Variants in MLLT3 observed in about 807,000 individuals in gnomAD.
The protein encoded by MLLT3 is MLLT3 super elongation complex subunit.
Under a neutral mutation model 53.2 loss-of-function variants are expected in MLLT3, and 4 were observed. That is an observed-to-expected ratio of 0.08 (90% CI 0.04 to 0.17). MLLT3 has a LOEUF of 0.17. Among genes scored for constraint, MLLT3 ranks in the 10% least tolerant of loss-of-function variants. The probability of loss-of-function intolerance (pLI) is 1.00; values close to 1 mark genes in which losing one functional copy is unlikely to be tolerated. For missense variants in MLLT3, 569 were observed against 684.0 expected, an observed-to-expected ratio of 0.83 and a Z score of 1.87; for synonymous variants, 283 against 230.6, an observed-to-expected ratio of 1.23 and a Z score of -2.06.
At chr9:20,432,716 CT>C (rs1823305518) in intron 4 of MLLT3, among the ~76,000 whole-genome samples, 2 of 152,080 alleles carry the variant, frequency 1.3e-5, no homozygotes, top group Non-Finnish European at 2.9e-5. Context: ...AAATCAAAAT[CT>C]TTTTGTTCAT....
chr9:20,418,363 G>A (rs916354936), intron 4 of MLLT3: 1 of 152,222 alleles, frequency 6.6e-6, no homozygotes, highest in African/African-American at 2.4e-5. Context: ...AGGTTTATGC[G>A]AGGCACAATT....
chr9:20,622,037 G>T, intron 1 of MLLT3: 2 of 680,350 alleles, frequency 2.9e-6, no homozygotes, highest in Non-Finnish European at 3.6e-6. Flanking sequence ...GTGTGAGTGT[G>T]TGTGTGTCTG....
At chr9:20,378,504 G>C (rs1445782489) in intron 5 of MLLT3, among the ~76,000 whole-genome samples, 3 of 151,884 alleles carry the variant, frequency 2.0e-5, no homozygotes, top group Admixed American at 6.5e-5. Context: ...TTGAAGAAGA[G>C]GTAACACAAA....
chr9:20,525,477 C>T (rs1818177843), intron 2 of MLLT3, among the ~76,000 whole-genome samples: 1 of 152,152 alleles, frequency 6.6e-6, no homozygotes, highest in Non-Finnish European at 1.5e-5. Flanking sequence ...GCCTGGGCAA[C>T]AGTAAGACTC....
At chr9:20,440,928 T>G (rs144087166) in intron 4 of MLLT3, among the ~76,000 whole-genome samples, 126 of 152,226 alleles carry the variant, frequency 8.3e-4, no homozygotes, top group African/African-American at 2.8e-3. Context: ...TAAATTACGG[T>G]TACTATATTA....
intron 10 of MLLT3, among the ~76,000 whole-genome samples, chr9:20,348,183 A>G (rs1435167480): frequency 6.6e-6 from 1 of 152,220 alleles, no homozygotes; most frequent in Non-Finnish European, 1.5e-5. Context: ...AGTGGATGCA[A>G]CAACAGATGC....
chr9:20,347,406 C>T (rs2118584508), intron 10 of MLLT3, among the ~76,000 whole-genome samples: 1 of 152,266 alleles, frequency 6.6e-6, no homozygotes, highest in South Asian at 2.1e-4. Flanking sequence ...ATGCCTTTGT[C>T]TTGTCATTTG....
intron 4 of MLLT3, among the ~76,000 whole-genome samples, chr9:20,439,243 C>T (rs541936867): frequency 6.6e-6 from 1 of 152,176 alleles, no homozygotes; most frequent in South Asian, 2.1e-4. Context: ...GTAGTCCCAG[C>T]TACTCAGGAG....
intron 2 of MLLT3, among the ~76,000 whole-genome samples, chr9:20,576,558 G>C (rs1319436324): frequency 6.6e-6 from 1 of 152,068 alleles, no homozygotes; most frequent in South Asian, 2.1e-4. Flanking sequence ...AAGGAGAGGA[G>C]GAGAGATGAG....
intron 5 of MLLT3, among the ~76,000 whole-genome samples, chr9:20,386,293 G>A (rs1822034301): frequency 2.0e-5 from 3 of 152,164 alleles, no homozygotes. Context: ...AATGTTTCAA[G>A]GAGAGTTTCC....
Position 20,599,175 on chromosome 9 carries a change from G to A in MLLT3, c.193+21479C>T, listed in dbSNP as rs570766489. ...AAAAATTAGCTGGGCATGGTGGCAC[G>A]CGCCTGCAGTCCCAGCTACTCAGGA... On this transcript the variant is annotated intron_variant, in intron 2 of 10. Coordinates refer to ENST00000380338, the MANE Select transcript of MLLT3 (RefSeq NM_004529.4). Among the ~76,000 whole-genome samples the A allele has an allele frequency of 2.4e-4, 37 of 152,076 alleles. 1 individual carries two copies. Among genetic ancestry groups the A allele is most frequent in the Admixed American group, 4.6e-4 (7 of 15,282 alleles).
At chr9:20,616,494 A>G (rs910769052) in intron 2 of MLLT3, among the ~76,000 whole-genome samples, 2 of 152,184 alleles carry the variant, frequency 1.3e-5, no homozygotes, top group African/African-American at 4.8e-5. Flanking sequence ...ACTTTAAAAA[A>G]AAATCAAACA....
At chr9:20,567,328 A>C (rs908915304) in intron 2 of MLLT3, among the ~76,000 whole-genome samples, 21 of 134,582 alleles carry the variant, frequency 1.6e-4, no homozygotes, top group East Asian at 8.0e-4. Flanking sequence ...AAAAAAAAAA[A>C]CACAAACGAT....
At chr9:20,454,353 GAA>G (rs1823910042) in intron 3 of MLLT3, among the ~76,000 whole-genome samples, 2 of 152,100 alleles carry the variant, frequency 1.3e-5, no homozygotes, top group African/African-American at 4.8e-5. Context: ...GGCATATGGG[GAA>G]ATTCCAGTTA....
At chr9:20,415,747 A>G (rs1385628509) in intron 4 of MLLT3, among the ~76,000 whole-genome samples, 1 of 152,058 alleles carries the variant, frequency 6.6e-6, no homozygotes, top group Non-Finnish European at 1.5e-5. Flanking sequence ...TGAACAATCT[A>G]CTTATTGGGT....
Position 20,534,165 on chromosome 9 carries a change from G to A in MLLT3, c.194-77379C>T, listed in dbSNP as rs147866707. Among the ~76,000 whole-genome samples the A allele has an allele frequency of 2.6e-4, 40 of 152,160 alleles. No homozygotes were observed. The East Asian group carries it at 5.6e-3, about 21-fold the overall frequency. Reference sequence around the variant, plus strand: ...TTATTATACAAAATAGGGATATTTCGAAAGAGAAATGTTTAGCAAATTTAT... The same window carrying A: ...TTATTATACAAAATAGGGATATTTCAAAAGAGAAATGTTTAGCAAATTTAT... On this transcript the variant is annotated intron_variant, in intron 2 of 10. Transcript: ENST00000380338.
intron 2 of MLLT3, among the ~76,000 whole-genome samples, chr9:20,488,372 T>C (rs966327478): frequency 1.3e-5 from 2 of 152,104 alleles, no homozygotes; most frequent in Non-Finnish European, 2.9e-5. Context: ...TAATGTTATA[T>C]ATTTTTACCA....
chr9:20,604,164 C>G (rs1820507266), intron 2 of MLLT3, among the ~76,000 whole-genome samples: 1 of 151,904 alleles, frequency 6.6e-6, no homozygotes, highest in Non-Finnish European at 1.5e-5. Context: ...ATAACGCAAA[C>G]ACATTATACA....
intron 2 of MLLT3, among the ~76,000 whole-genome samples, chr9:20,468,907 C>A (rs1466805673): frequency 6.6e-6 from 1 of 152,070 alleles, no homozygotes; most frequent in Non-Finnish European, 1.5e-5. Context: ...AACAAGCAAA[C>A]AAACAACAAA....
Sources: allele counts gnomAD v4.1 joint callset (sites outside exome capture counted in the v4.1 genomes callset), GRCh38; gene constraint gnomAD v4.1.1; transcripts MANE v1.5; gene names NCBI Gene and HGNC (gene_info 2026-07-23, HGNC 2026-07-21).